Variants in NSUN2 observed in about 807,000 individuals in gnomAD.
NSUN2 encodes RNA cytosine C(5)-methyltransferase NSUN2.
A neutral mutation model predicts 92.7 loss-of-function variants in NSUN2; 63 were observed. That is an observed-to-expected ratio of 0.68 (90% CI 0.56 to 0.84). The LOEUF is 0.84. Among genes scored for constraint, NSUN2 ranks in the 40% least tolerant of loss-of-function variants. The probability of loss-of-function intolerance (pLI) is 0.00; values close to 1 mark genes in which losing one functional copy is unlikely to be tolerated. For synonymous variants in NSUN2, 356 were observed against 348.3 expected, an observed-to-expected ratio of 1.02 and a Z score of -0.25; for missense variants, 989 against 964.9, an observed-to-expected ratio of 1.02 and a Z score of -0.33.
In NSUN2 at chr5:6,611,205, A is replaced by T. The variant is rs1319403240; in HGVS notation, c.1096-120T>A. On this transcript the variant is annotated intron_variant, in intron 10 of 18. Coordinates refer to ENST00000264670, the MANE Select transcript of NSUN2 (RefSeq NM_017755.6). ...ATGGTGATTCTCATTCACTCCAAAG[A>T]TAGGAAGATTATTTGCCAAGACAAA... The T allele has an allele frequency of 6.4e-6, 7 of 1,094,428 alleles. No homozygotes were observed. In the South Asian group the frequency reaches 1.2e-4, roughly 19 times the overall value. 67.8% of individuals were successfully genotyped at this position (1,094,428 alleles called of 1,614,324 possible). A position where few individuals can be genotyped will look rare whatever the true frequency, so the allele number is the denominator to read the frequency against.
At chr5:6,621,824 G>T in intron 6 of NSUN2, 192 bp downstream of exon 6, 1 of 551,744 alleles carries the variant, frequency 1.8e-6, no homozygotes, top group South Asian at 2.4e-5. Context: ...CCCATGGTAT[G>T]AGTGTGTTTG....
intron 1 of NSUN2, 59 bp from the exon 2 acceptor site, chr5:6,632,815 C>G (rs1053659149): frequency 2.8e-5 from 44 of 1,571,940 alleles, no homozygotes; most frequent in Non-Finnish European, 3.7e-5. Flanking sequence ...TCGCCGCCGC[C>G]TCGCAGGCCT....
chr5:6,600,660 ACT>A (rs1335321836), intron 18 of NSUN2, among the ~76,000 whole-genome samples: 1 of 151,480 alleles, frequency 6.6e-6, no homozygotes, highest in Non-Finnish European at 1.5e-5. Context: ...AGGCTGGGAG[ACT>A]CTGCCCTTAG....
At chr5:6,625,927 A>T (rs1396270737) in intron 3 of NSUN2, among the ~76,000 whole-genome samples, 3 of 152,166 alleles carry the variant, frequency 2.0e-5, no homozygotes, top group Admixed American at 1.3e-4. Context: ...ATTACTGTAA[A>T]ATTATAATGA....
rs375668623 is a variant in NSUN2, at chr5:6,609,225, T to C, written c.1323+601A>G. Among the ~76,000 whole-genome samples, 19 of 152,322 alleles carry C rather than the reference T, an allele frequency of 1.2e-4. No individual in the cohort carries two copies. The East Asian group carries it at 3.3e-3, about 26-fold the overall frequency. ...GAAGGCTGATTTATGAACTAATAAA[T>C]AATGCTGGCGTGATACAGGTGAGAC... On this transcript the variant is annotated intron_variant, in intron 12 of 18. Coordinates refer to ENST00000264670, the MANE Select transcript of NSUN2 (RefSeq NM_017755.6).
At position 6,605,297 on chromosome 5, in the gene NSUN2, C is replaced by T. The variant is rs775540593; in HGVS notation, c.1713G>A (p.Leu571=). The part of the protein sequence containing the change: ...YMVSKELRNV[L]LNNSEKMKVI... ...CCTTCATCTTCTCACTGTTATTCAG[C>T]AGCACATTCCGCAACTCCTTAGAAA... The change falls in exon 15 of 19, where the codon CTG becomes CTA. Residue 571 remains leucine, a synonymous_variant. Coordinates refer to ENST00000264670, the MANE Select transcript of NSUN2 (RefSeq NM_017755.6). The T allele has an allele frequency of 2.5e-6, 4 of 1,614,212 alleles. No homozygotes were observed. The highest frequency in any genetic ancestry group is 1.7e-6 in the Non-Finnish European group (2 of 1,180,012).
chr5:6,611,688 C>T lies in NSUN2; in HGVS notation c.1095+37G>A, dbSNP rs778034295. On this transcript the variant is annotated intron_variant, in intron 10 of 18. Transcript: ENST00000264670. Reference sequence around the variant, plus strand: ...TGACTCTACTTCAGTGATGCTGCACCTACTCTTTAGAATGAAAGTTCTCGA... The same window carrying T: ...TGACTCTACTTCAGTGATGCTGCACTTACTCTTTAGAATGAAAGTTCTCGA... 7.6e-6 allele frequency: 12 copies of T among 1,577,498 alleles called. No homozygotes were observed. In the East Asian group the frequency reaches 2.5e-4, roughly 32 times the overall value.
chr5:6,604,877 G>A, intron 15 of NSUN2, 192 bp from the exon 16 acceptor site: 2 of 614,974 alleles, frequency 3.3e-6, no homozygotes, highest in South Asian at 4.0e-5. Flanking sequence ...GGACAGTAAA[G>A]CAAATGAAAG....
At chr5:6,612,540 C>T (rs16877669) in intron 9 of NSUN2, among the ~76,000 whole-genome samples, 1 of 152,122 alleles carries the variant, frequency 6.6e-6, no homozygotes, top group Non-Finnish European at 1.5e-5. Context: ...GTGAGACCAG[C>T]TACTAGCACA....
At chr5:6,608,407 A>G (rs989335429) in intron 12 of NSUN2, among the ~76,000 whole-genome samples, 4 of 152,216 alleles carry the variant, frequency 2.6e-5, no homozygotes, top group African/African-American at 9.7e-5. Flanking sequence ...TACAGGCCTC[A>G]GCACCACAAC....
rs1037387216 is a variant in NSUN2, at chr5:6,616,170, C to G, written c.1021+557G>C. On this transcript the variant is annotated intron_variant, in intron 9 of 18. Coordinates refer to ENST00000264670, the MANE Select transcript of NSUN2 (RefSeq NM_017755.6). ...ACTTCTGAGTGTATATCCAAAGAAT[C>G]GTAACCAGGATCTTGGAGAGGTATT... Among the ~76,000 whole-genome samples, 6 of 152,156 alleles carry G rather than the reference C, an allele frequency of 3.9e-5. No individual in the cohort carries two copies. The East Asian group carries it at 1.2e-3, about 29-fold the overall frequency.
At chr5:6,604,427 CCT>C (rs927814541) in intron 16 of NSUN2, 151 bp from the exon 17 acceptor site, 27 of 932,030 alleles carry the variant, frequency 2.9e-5, no homozygotes, top group East Asian at 1.3e-4. Context: ...CCCACCCCCC[CCT>C]AGGAGGGGAA....
At position 6,623,320 on chromosome 5, in the gene NSUN2, A is replaced by G. The variant is rs780820555; in HGVS notation, c.466-35T>C. ...AAAAAAAAAATCAGCAACAATTAGG[A>G]AAAAAAAAAAAACCGCAGACAATTT... is the stretch of plus-strand genomic sequence containing the variant. On this transcript the variant is annotated intron_variant, in intron 4 of 18. Coordinates refer to ENST00000264670, the MANE Select transcript of NSUN2 (RefSeq NM_017755.6). 8 of 1,242,176 alleles carry G rather than the reference A, an allele frequency of 6.4e-6. No individual in the cohort carries two copies. In the East Asian group the frequency reaches 1.7e-4, roughly 26 times the overall value. 76.9% of individuals were successfully genotyped at this position (1,242,176 alleles called of 1,614,324 possible).
In NSUN2 at chr5:6,620,186, G is replaced by A; in HGVS notation, c.735C>T (p.Ser245=). The A allele has an allele frequency of 6.2e-6, 10 of 1,613,272 alleles. No homozygotes were observed. Among genetic ancestry groups the A allele is most frequent in the Non-Finnish European group, 8.5e-6 (10 of 1,179,696 alleles). Residue 245 remains serine (S), a synonymous_variant, in exon 7 of 19, where the codon AGC becomes AGT. Transcript: ENST00000264670. ...CCACATCTATCTGGAGCCTGGGTAT[G>A]CTGGAGGCATCATGGTTGACCACCA... The part of the protein sequence containing the change: ...CIMVVNHDAS[S]IPRLQIDVDG...
Position 6,618,035 on chromosome 5 carries a change from GAT to G in NSUN2, c.816-13_816-12del, listed in dbSNP as rs778913795. 2.6e-5 allele frequency: 41 copies of G among 1,606,352 alleles called. No homozygotes were observed. Among genetic ancestry groups the G allele is most frequent in the Admixed American group, 8.3e-5 (5 of 59,890 alleles). ...ATAGTGCCGTCTCCACTGGAAAAAA[GAT>G]ATTTATGAGTGCAAAGCTCCCTACA... On this transcript the variant is annotated splice_polypyrimidine_tract_variant and intron_variant, in intron 7 of 18. Coordinates refer to ENST00000264670, the MANE Select transcript of NSUN2 (RefSeq NM_017755.6).
intron 12 of NSUN2, among the ~76,000 whole-genome samples, chr5:6,607,799 G>C (rs1362392608): frequency 6.6e-6 from 1 of 152,144 alleles, no homozygotes; most frequent in East Asian, 1.9e-4. Context: ...GAGAAAGGAG[G>C]GTATGAATTG....
chr5:6,632,353 G>C (rs1737951935), intron 2 of NSUN2, among the ~76,000 whole-genome samples: 1 of 152,092 alleles, frequency 6.6e-6, no homozygotes, highest in Non-Finnish European at 1.5e-5. Context: ...TTCCCTCCTG[G>C]AAGATTCCCC....
intron 7 of NSUN2, among the ~76,000 whole-genome samples, chr5:6,619,291 C>T (rs554845317): frequency 2.6e-5 from 4 of 152,280 alleles, no homozygotes; most frequent in Non-Finnish European, 5.9e-5. Flanking sequence ...TGAGTTTTGC[C>T]ATGAGCAGTA....
chr5:6,605,244 A>G (rs1736718450), intron 15 of NSUN2, 29 bp downstream of exon 15: 2 of 1,612,814 alleles, frequency 1.2e-6, no homozygotes, highest in Non-Finnish European at 1.7e-6. Context: ...CCCGCATCAC[A>G]CAGCACTCAG....
Sources: allele counts gnomAD v4.1 joint callset (sites outside exome capture counted in the v4.1 genomes callset), GRCh38; gene constraint gnomAD v4.1.1; transcripts MANE v1.5; gene names NCBI Gene and HGNC (gene_info 2026-07-23, HGNC 2026-07-21).